Variants in TENM4 observed in about 807,000 individuals in gnomAD.
TENM4 encodes the protein teneurin-4.
TENM4 carries 82 observed loss-of-function variants against 243.3 expected under a neutral mutation model. That is an observed-to-expected ratio of 0.34 (90% CI 0.28 to 0.40). TENM4 has a LOEUF of 0.40. TENM4 is among the 10% of genes least tolerant of loss of function. The probability of loss-of-function intolerance (pLI) is 1.00; values close to 1 mark genes in which losing one functional copy is unlikely to be tolerated. For missense variants in TENM4, 3,138 were observed against 3,673.3 expected, an observed-to-expected ratio of 0.85 and a Z score of 3.77; for synonymous variants, 1,412 against 1,456.3, an observed-to-expected ratio of 0.97 and a Z score of 0.69.
At chr11:78,868,443 T>C (rs1859041650) in intron 9 of TENM4, among the ~76,000 whole-genome samples, 1 of 152,200 alleles carries the variant, frequency 6.6e-6, no homozygotes, top group Non-Finnish European at 1.5e-5. Flanking sequence ...GAAATGTTAA[T>C]GATTTCTAAA....
At chr11:78,944,707 A>G (rs1856974739) in intron 6 of TENM4, among the ~76,000 whole-genome samples, 1 of 152,206 alleles carries the variant, frequency 6.6e-6, no homozygotes, top group Non-Finnish European at 1.5e-5. Flanking sequence ...TACTAATTGT[A>G]GCTCTGTTCA....
chr11:79,075,452 T>G (rs1226473914), intron 4 of TENM4, among the ~76,000 whole-genome samples: 1 of 152,242 alleles, frequency 6.6e-6, no homozygotes, highest in Admixed American at 6.5e-5. Flanking sequence ...GTTAGATGTT[T>G]TGTAAACTGT....
At chr11:79,337,900 C>T (rs1163151707) in intron 1 of TENM4, among the ~76,000 whole-genome samples, 2 of 152,218 alleles carry the variant, frequency 1.3e-5, no homozygotes, top group Non-Finnish European at 2.9e-5. Context: ...TGGGGTGGTA[C>T]CTAGACTTGC....
Position 78,658,778 on chromosome 11 carries a change from G to A in TENM4, c.7590C>T (p.Leu2530=), listed in dbSNP as rs763154223. ...ACCGTTCTAAGGTGACAAAGGCCTT[G>A]AGCTGCTTCTGTACTTCACACTGTA... ...LGVQCEVQKQ[L]KAFVTLERFD... The change falls in exon 34 of 34, where the codon CTC becomes CTT. Residue 2530 remains leucine (L), a synonymous_variant. Transcript: ENST00000278550. 3.1e-6 allele frequency: 5 copies of A among 1,613,796 alleles called. No homozygotes were observed. In the African/African-American group the frequency reaches 6.7e-5, roughly 22 times the overall value.
chr11:78,947,746 G>A (rs758182777), intron 6 of TENM4, among the ~76,000 whole-genome samples: 17 of 151,986 alleles, frequency 1.1e-4, no homozygotes, highest in Non-Finnish European at 1.8e-4. Context: ...GTCCTGCCTC[G>A]GCACAGAAGG....
At chr11:79,043,285 G>T (rs1270776873) in intron 6 of TENM4, among the ~76,000 whole-genome samples, 1 of 152,180 alleles carries the variant, frequency 6.6e-6, no homozygotes, top group Non-Finnish European at 1.5e-5. Context: ...AGAGACTTTG[G>T]GTACTCATTG....
At chr11:79,004,961 A>C (rs989102811) in intron 6 of TENM4, among the ~76,000 whole-genome samples, 17 of 116,418 alleles carry the variant, frequency 1.5e-4, no homozygotes, top group South Asian at 1.4e-3. Context: ...AAAAAAAAAA[A>C]CAACTCTGAC....
intron 3 of TENM4, among the ~76,000 whole-genome samples, chr11:79,187,931 CA>C (rs1167780111): frequency 6.6e-6 from 1 of 152,172 alleles, no homozygotes; most frequent in Non-Finnish European, 1.5e-5. Flanking sequence ...TTAAACCACC[CA>C]GTCTGTGCTA....
intron 1 of TENM4, among the ~76,000 whole-genome samples, chr11:79,316,337 G>A (rs376192843): frequency 5.9e-5 from 9 of 152,254 alleles, no homozygotes; most frequent in African/African-American, 2.2e-4. Flanking sequence ...GGCTGGTTTC[G>A]ACATCTTTTA....
intron 6 of TENM4, among the ~76,000 whole-genome samples, chr11:79,062,210 C>A (rs370387310): frequency 1.3e-5 from 2 of 152,134 alleles, no homozygotes; most frequent in African/African-American, 4.8e-5. Context: ...ATCCATCCAC[C>A]CCAGCCTCTG....
At chr11:79,299,665 A>G (rs563677222) in intron 1 of TENM4, among the ~76,000 whole-genome samples, 1 of 152,360 alleles carries the variant, frequency 6.6e-6, no homozygotes, top group African/African-American at 2.4e-5. Context: ...GTAACCGAGG[A>G]AATAGAAAAG....
intron 2 of TENM4, among the ~76,000 whole-genome samples, chr11:79,261,714 G>A (rs1410253534): frequency 3.3e-5 from 5 of 152,104 alleles, no homozygotes; most frequent in South Asian, 2.1e-4. Flanking sequence ...GAGGAGGAGC[G>A]CTATGTGTTT....
At chr11:79,068,273 A>G (rs182097427) in intron 5 of TENM4, 1 of 152,328 alleles carries the variant, frequency 6.6e-6, no homozygotes, top group Admixed American at 6.5e-5. Context: ...CTCACCACCT[A>G]TTAGGTACTG....
intron 4 of TENM4, among the ~76,000 whole-genome samples, chr11:79,147,605 A>G (rs185155042): frequency 1.6e-4 from 25 of 152,112 alleles, no homozygotes; most frequent in African/African-American, 5.8e-4. Flanking sequence ...AGCACCTCCT[A>G]TCTTCTCCTC....
In TENM4 at chr11:78,669,099, T is replaced by C. The variant is rs1479220661; in HGVS notation, c.7246A>G (p.Met2416Val). Reference protein sequence around the residue: ...LYDPLTKLVHMGRRDYDVLAG... With the variant: ...LYDPLTKLVHVGRRDYDVLAG... ...AGCACATCATAATCTCGCCGGCCCA[T>C]GTGGACAAGCTTGGTGAGTGGATCA... Residue 2416 changes from methionine (M) to valine (V), a missense_variant, in exon 32 of 34, where the codon ATG (methionine) becomes GTG (valine). Around this residue, in one of 2 missense-constraint regions of TENM4, gnomAD observed 2,467 missense variants for 3,059.1 expected, o/e 0.81. Transcript: ENST00000278550. The surrounding 1 kb of genome is among the most constrained non-coding windows in gnomAD (Gnocchi z 6.4). 4 of 1,613,806 alleles carry C rather than the reference T, an allele frequency of 2.5e-6. No individual in the cohort carries two copies. Among genetic ancestry groups the C allele is most frequent in the South Asian group, 1.1e-5 (1 of 91,044 alleles).
At chr11:79,066,824 A>G (rs761505210) in intron 5 of TENM4, among the ~76,000 whole-genome samples, 5 of 152,196 alleles carry the variant, frequency 3.3e-5, no homozygotes, top group Non-Finnish European at 7.3e-5. Context: ...GGGACAAGGA[A>G]GCGGGGAGGA....
intron 4 of TENM4, among the ~76,000 whole-genome samples, chr11:79,117,987 A>G (rs999752563): frequency 6.6e-6 from 1 of 152,220 alleles, no homozygotes; most frequent in African/African-American, 2.4e-5. Context: ...CAAAGGGAAA[A>G]GAAAGAAATG....
intron 6 of TENM4, among the ~76,000 whole-genome samples, chr11:79,013,944 T>C (rs541587269): frequency 6.6e-6 from 1 of 152,274 alleles, no homozygotes; most frequent in South Asian, 2.1e-4. Flanking sequence ...CTCCCCATCT[T>C]ATATTCCCGA....
chr11:78,991,734 C>T (rs1257529038), intron 6 of TENM4, among the ~76,000 whole-genome samples: 2 of 152,126 alleles, frequency 1.3e-5, no homozygotes, highest in Non-Finnish European at 2.9e-5. Flanking sequence ...CTTGGTTTTC[C>T]CCATGGACCC....
Sources: gnomAD v4.1 joint callset for allele counts (sites outside exome capture counted in the v4.1 genomes callset) on GRCh38, gnomAD v4.1.1 for gene constraint, gnomAD v4.1.1 regional missense constraint, Gnocchi (gnomAD v3.1) non-coding constraint, MANE v1.5 for transcripts, NCBI Gene and HGNC (gene_info 2026-07-23, HGNC 2026-07-21) for gene names.